NRXN3: variants seen among roughly 807,000 people sequenced by gnomAD.
NRXN3 encodes neurexin III.
NRXN3 carries 32 observed loss-of-function variants against 137.6 expected under a neutral mutation model. The ratio of observed to expected loss-of-function variants is 0.23; its 90% confidence interval spans 0.18 to 0.31. NRXN3 has a LOEUF of 0.31. NRXN3 is among the 10% of genes least tolerant of loss of function. The pLI, the probability that NRXN3 is intolerant of heterozygous loss-of-function variation, is 1.00. For missense variants in NRXN3, 1,574 were observed against 2,062.5 expected, an observed-to-expected ratio of 0.76 and a Z score of 4.59; for synonymous variants, 798 against 784.5, an observed-to-expected ratio of 1.02 and a Z score of -0.29.
intron 15 of NRXN3, among the ~76,000 whole-genome samples, chr14:79,288,618 T>C (rs974160324): frequency 6.6e-6 from 1 of 152,192 alleles, no homozygotes; most frequent in African/African-American, 2.4e-5. Flanking sequence ...TCAAACCTGG[T>C]TGTGACCAGA....
chr14:79,736,867 G>T (rs1257178905), intron 19 of NRXN3, among the ~76,000 whole-genome samples: 1 of 152,146 alleles, frequency 6.6e-6, no homozygotes, highest in Non-Finnish European at 1.5e-5. Flanking sequence ...TATGAATAAG[G>T]CTTATTAATA....
At chr14:78,282,158 A>T (rs1052535791) in intron 3 of NRXN3, 1 of 500,544 alleles carries the variant, frequency 2.0e-6, no homozygotes, top group Non-Finnish European at 4.0e-6. Context: ...CAGGTGCCTT[A>T]TCCCATGCTT....
intron 16 of NRXN3, among the ~76,000 whole-genome samples, chr14:79,500,123 A>G (rs2096807544): frequency 6.6e-6 from 1 of 150,800 alleles, no homozygotes. Flanking sequence ...GTTTCTGTTT[A>G]TGGGAAGTCA....
intron 4 of NRXN3, among the ~76,000 whole-genome samples, chr14:78,565,921 G>A (rs533372928): frequency 1.9e-4 from 29 of 152,276 alleles, no homozygotes; most frequent in Non-Finnish European, 3.8e-4. Flanking sequence ...CAGAGAAGAC[G>A]GGAGGTGAAG....
chr14:78,414,243 AG>A (rs1359805710), intron 4 of NRXN3, among the ~76,000 whole-genome samples: 1 of 150,802 alleles, frequency 6.6e-6, no homozygotes, highest in Non-Finnish European at 1.5e-5. Flanking sequence ...AGTTGAGAGG[AG>A]GTAGCGAAGT....
chr14:79,096,038 T>C (rs1370827678), intron 15 of NRXN3, among the ~76,000 whole-genome samples: 2 of 152,064 alleles, frequency 1.3e-5, no homozygotes, highest in South Asian at 4.1e-4. Flanking sequence ...TTTCTGTCTC[T>C]TTCTGTTTCT....
At chr14:78,636,228 T>A (rs1295079696) in intron 4 of NRXN3, among the ~76,000 whole-genome samples, 2 of 152,118 alleles carry the variant, frequency 1.3e-5, no homozygotes, top group Non-Finnish European at 2.9e-5. Context: ...TGCAGTAAAA[T>A]TGGGCTTCTT....
At chr14:79,206,359 T>A (rs1274954779) in intron 15 of NRXN3, among the ~76,000 whole-genome samples, 4 of 152,156 alleles carry the variant, frequency 2.6e-5, no homozygotes, top group Admixed American at 2.6e-4. Context: ...GGTCACTGAA[T>A]CACAGAAGGA....
intron 4 of NRXN3, among the ~76,000 whole-genome samples, chr14:78,469,087 A>G (rs954779469): frequency 6.6e-6 from 1 of 152,208 alleles, no homozygotes; most frequent in Non-Finnish European, 1.5e-5. Flanking sequence ...CCACCTAGTT[A>G]CACAATAAAA....
intron 8 of NRXN3, among the ~76,000 whole-genome samples, chr14:78,718,210 G>A (rs974101833): frequency 6.6e-6 from 1 of 152,118 alleles, no homozygotes; most frequent in Admixed American, 6.6e-5. Context: ...TGTACTAAAT[G>A]TGTTAAGCCT....
chr14:78,527,402 T>G (rs1286866708), intron 4 of NRXN3, among the ~76,000 whole-genome samples: 2 of 152,106 alleles, frequency 1.3e-5, no homozygotes, highest in Non-Finnish European at 2.9e-5. Context: ...CAACCAGATC[T>G]TGTAAGAGCT....
chr14:78,429,246 T>TATATATATATATATATA (rs59488018), intron 4 of NRXN3, among the ~76,000 whole-genome samples: 7 of 151,276 alleles, frequency 4.6e-5, no homozygotes, highest in African/African-American at 1.7e-4. Context: ...ATATATATAT[T>TATATATATATATATATA]TTTTGTATAT....
At chr14:79,018,295 AAGAG>A (rs1319003624) in intron 15 of NRXN3, among the ~76,000 whole-genome samples, 8 of 16,042 alleles carry the variant, frequency 5.0e-4, no homozygotes, top group African/African-American at 7.3e-4. Context: ...AAAAAAAAAA[AAGAG>A]AGAGAGCAAG....
At chr14:79,477,236 GT>G (rs1357388990) in intron 16 of NRXN3, among the ~76,000 whole-genome samples, 1 of 151,946 alleles carries the variant, frequency 6.6e-6, no homozygotes, top group Non-Finnish European at 1.5e-5. Context: ...TACAGGATGT[GT>G]TCTCAAATTC....
rs1245838530 is a variant in NRXN3 at position 78,195,499 on chromosome 14, A to G, written c.-704+24825A>G. ...ACATAACAATTAGATAATTTCAGAC[A>G]GAAGTGACTGCCAGGAAGGAAATAA... On this transcript the variant is annotated intron_variant, in intron 1 of 20. Transcript: ENST00000335750. 3.9e-5 allele frequency among the ~76,000 whole-genome samples: 6 copies of G among 152,242 alleles called. No homozygotes were observed. In the East Asian group the frequency reaches 1.2e-3, roughly 29 times the overall value.
chr14:78,932,956 A>G (rs2152875561), intron 10 of NRXN3, among the ~76,000 whole-genome samples: 1 of 152,298 alleles, frequency 6.6e-6, no homozygotes, highest in South Asian at 2.1e-4. Context: ...CACTGTAGGG[A>G]TCAAAACCTA....
intron 14 of NRXN3, among the ~76,000 whole-genome samples, chr14:78,969,289 G>C (rs1302874531): frequency 1.3e-5 from 2 of 152,162 alleles, no homozygotes; most frequent in African/African-American, 2.4e-5. Flanking sequence ...ATTCTTTGCA[G>C]TGTAAACAAT....
chr14:78,466,998 A>G (rs929892429), intron 4 of NRXN3, among the ~76,000 whole-genome samples: 2 of 152,216 alleles, frequency 1.3e-5, no homozygotes, highest in Admixed American at 1.3e-4. Context: ...AAAGTTAAAA[A>G]AAAGAAAATA....
chr14:78,631,148 A>G (rs1481465403), intron 4 of NRXN3, among the ~76,000 whole-genome samples: 1 of 152,200 alleles, frequency 6.6e-6, no homozygotes, highest in Non-Finnish European at 1.5e-5. Context: ...TCAGAGAATC[A>G]GGTTCATTTA....
Sources: allele counts gnomAD v4.1 joint callset (sites outside exome capture counted in the v4.1 genomes callset), GRCh38; gene constraint gnomAD v4.1.1; transcripts MANE v1.5; gene names NCBI Gene and HGNC (gene_info 2026-07-23, HGNC 2026-07-21).